Variants in KCNQ5 observed in about 807,000 individuals in gnomAD.
KCNQ5 encodes potassium voltage-gated channel subfamily KQT member 5.
Under a neutral mutation model 98.2 loss-of-function variants are expected in KCNQ5, and 30 were observed. The ratio of observed to expected loss-of-function variants is 0.31; its 90% CI spans 0.23 to 0.41. KCNQ5 has a LOEUF of 0.41. Ranked by LOEUF, KCNQ5 falls within the 10% of genes least tolerant of loss-of-function variation. KCNQ5 has a pLI of 1.00. For missense variants in KCNQ5, 835 were observed against 1,182.5 expected (o/e 0.71, Z 4.31); for synonymous variants, 458 against 449.4 (o/e 1.02, Z -0.24).
intron 1 of KCNQ5, among the ~76,000 whole-genome samples, chr6:72,861,498 G>A (rs909911487): frequency 1.3e-5 from 2 of 152,124 alleles, no homozygotes; most frequent in Non-Finnish European, 2.9e-5. Context: ...ATGTCCCTAA[G>A]TAAAGGTCTC....
At chr6:72,661,206 A>G (rs1766507766) in intron 1 of KCNQ5, among the ~76,000 whole-genome samples, 1 of 152,032 alleles carries the variant, frequency 6.6e-6, no homozygotes. Flanking sequence ...TAGAAATGTA[A>G]TATTCTATGT....
At chr6:72,723,183 C>A (rs1336436828) in intron 1 of KCNQ5, among the ~76,000 whole-genome samples, 1 of 151,944 alleles carries the variant, frequency 6.6e-6, no homozygotes, top group Non-Finnish European at 1.5e-5. Flanking sequence ...TATTTCACTT[C>A]TAGCTTTGCA....
chr6:73,110,619 G>A (rs879619418), intron 6 of KCNQ5, among the ~76,000 whole-genome samples: 2 of 152,174 alleles, frequency 1.3e-5, no homozygotes, highest in African/African-American at 4.8e-5. Flanking sequence ...AATGATCCAC[G>A]TTCTTGTCTC....
chr6:73,112,498 A>T (rs550320352), intron 7 of KCNQ5, among the ~76,000 whole-genome samples: 1,689 of 151,808 alleles, frequency 0.011, 42 homozygotes, highest in African/African-American at 0.039. Flanking sequence ...GGCACCCGCC[A>T]CCGCGCCCGG....
At chr6:72,688,601 C>T (rs549520107) in intron 1 of KCNQ5, among the ~76,000 whole-genome samples, 2 of 152,184 alleles carry the variant, frequency 1.3e-5, no homozygotes, top group Admixed American at 1.3e-4. Flanking sequence ...GTTGATTTCT[C>T]TCAGCAATGT....
At chr6:73,111,238 CT>C in intron 6 of KCNQ5, 69 bp from the exon 7 acceptor site, 1 of 1,060,948 alleles carries the variant, frequency 9.4e-7, no homozygotes, top group Non-Finnish European at 1.4e-6. Flanking sequence ...ATTTTAGTGA[CT>C]TTTTAATATT....
At chr6:72,804,865 G>A (rs757884095) in intron 1 of KCNQ5, among the ~76,000 whole-genome samples, 1 of 152,122 alleles carries the variant, frequency 6.6e-6, no homozygotes, top group Non-Finnish European at 1.5e-5. Flanking sequence ...ATTTTAACTG[G>A]AGTGAGTTAA....
intron 7 of KCNQ5, among the ~76,000 whole-genome samples, chr6:73,119,922 T>C (rs986904934): frequency 2.0e-5 from 3 of 152,172 alleles, no homozygotes; most frequent in African/African-American, 7.2e-5. Context: ...TTGGGCCTTT[T>C]GCTTCTTGGT....
In KCNQ5 at chr6:73,162,552, A is replaced by G. The variant is rs114749603; in HGVS notation, c.1469-7194A>G. On this transcript the variant is annotated intron_variant, in intron 10 of 13. Transcript: ENST00000370398. ...CCCAAAATACCAGGACAGAGAGGCA[A>G]ATGTGTAGTTGGAGAACAGAGGGCC... Among the ~76,000 whole-genome samples, 718 of 152,274 alleles carry G rather than the reference A, an allele frequency of 4.7e-3. 8 individuals are homozygous for G. The highest frequency in any genetic ancestry group is 0.016 in the African/African-American group (649 of 41,538).
chr6:73,188,813 T>C (rs898253920), intron 11 of KCNQ5, among the ~76,000 whole-genome samples: 1 of 151,884 alleles, frequency 6.6e-6, no homozygotes, highest in African/African-American at 2.4e-5. Context: ...TGAAACCCCA[T>C]CTCTACTAAA....
rs548621093 is a variant in KCNQ5, at chr6:73,111,568, A to T, written c.1125+165A>T. Among the ~76,000 whole-genome samples the T allele has an allele frequency of 8.5e-5, 13 of 152,264 alleles. No homozygotes were observed. The South Asian group carries it at 2.7e-3, about 32-fold the overall frequency. The stretch of plus-strand genomic sequence containing the variant: ...CAGTCTTGGATTTGGACAGTCTTGG[A>T]TTTGTTCCTCCTCTCCCAAACTGAA... On this transcript the variant is annotated intron_variant, in intron 7 of 13. Coordinates refer to ENST00000370398, the MANE Select transcript of KCNQ5 (RefSeq NM_019842.4).
At chr6:72,846,940 A>G (rs1161010822) in intron 1 of KCNQ5, among the ~76,000 whole-genome samples, 3 of 152,162 alleles carry the variant, frequency 2.0e-5, no homozygotes, top group Non-Finnish European at 4.4e-5. Flanking sequence ...AGTTATTTAA[A>G]AAGACCCCCA....
chr6:72,799,934 AT>A (rs1263974284), intron 1 of KCNQ5, among the ~76,000 whole-genome samples: 1 of 152,180 alleles, frequency 6.6e-6, no homozygotes, highest in Non-Finnish European at 1.5e-5. Context: ...TTTGAAAAAA[AT>A]ATATTTTAAA....
intron 3 of KCNQ5, among the ~76,000 whole-genome samples, chr6:73,076,812 CA>C (rs1396997052): frequency 6.6e-6 from 1 of 152,088 alleles, no homozygotes; most frequent in Non-Finnish European, 1.5e-5. Context: ...AAAGGAAATG[CA>C]AACTTATTTG....
At chr6:72,678,528 A>AC (rs1374236387) in intron 1 of KCNQ5, 1 of 105,344 alleles carries the variant, frequency 9.5e-6, no homozygotes, top group African/African-American at 7.5e-5. Context: ...CAAATGCATA[A>AC]CAAAAAAATA....
chr6:72,942,691 G>A (rs542210101), intron 1 of KCNQ5, among the ~76,000 whole-genome samples: 4 of 152,102 alleles, frequency 2.6e-5, no homozygotes, highest in Non-Finnish European at 4.4e-5. Context: ...TTTTCCTCCC[G>A]TGTTCACTGT....
chr6:72,794,223 A>G (rs1466507646), intron 1 of KCNQ5, among the ~76,000 whole-genome samples: 1 of 152,200 alleles, frequency 6.6e-6, no homozygotes, highest in East Asian at 1.9e-4. Context: ...AATGCTACAC[A>G]TATGTTTATA....
intron 1 of KCNQ5, among the ~76,000 whole-genome samples, chr6:72,953,911 A>G (rs1024193092): frequency 6.6e-6 from 1 of 152,154 alleles, no homozygotes; most frequent in Non-Finnish European, 1.5e-5. Context: ...ACTCACAATC[A>G]TTAGTCTTTA....
chr6:73,084,171 A>G (rs1454138815), intron 5 of KCNQ5, among the ~76,000 whole-genome samples: 7 of 152,216 alleles, frequency 4.6e-5, no homozygotes, highest in Non-Finnish European at 8.8e-5. Flanking sequence ...CCCTAATGCC[A>G]TATGCACATA....
Sources: gnomAD v4.1 joint callset for allele counts (sites outside exome capture counted in the v4.1 genomes callset) on GRCh38, gnomAD v4.1.1 for gene constraint, MANE v1.5 for transcripts, NCBI Gene and HGNC (gene_info 2026-07-23, HGNC 2026-07-21) for gene names.